The following CNTNAP4 variants were observed in gnomAD, a reference collection of about 807,000 sequenced individuals.
The protein encoded by CNTNAP4 is contactin-associated protein-like 4.
In CNTNAP4, 98 loss-of-function variants were observed where a neutral mutation model predicts 148.4. The observed-to-expected ratio is 0.66, with a 90% CI of 0.56 to 0.78. The LOEUF (loss-of-function observed/expected upper bound fraction) is 0.78, where lower values mean the gene tolerates loss of function less well. Ranked by LOEUF, CNTNAP4 falls within the 30% of genes least tolerant of loss-of-function variation. CNTNAP4 has a pLI of 0.00. For missense variants in CNTNAP4, 1,935 were observed against 1,565.6 expected (o/e 1.24, Z -3.98); for synonymous variants, 730 against 565.1 (o/e 1.29, Z -4.14).
intron 1 of CNTNAP4, among the ~76,000 whole-genome samples, chr16:76,309,186 C>A (rs1212139362): frequency 6.6e-6 from 1 of 152,000 alleles, no homozygotes; most frequent in Non-Finnish European, 1.5e-5. Context: ...ACTTTGGTGG[C>A]TCTTTTTTGG....
intron 3 of CNTNAP4, among the ~76,000 whole-genome samples, chr16:76,372,583 A>C (rs1196803294): frequency 6.6e-6 from 1 of 152,078 alleles, no homozygotes; most frequent in Non-Finnish European, 1.5e-5. Flanking sequence ...AAGTCTCATG[A>C]GATCTGATGG....
At chr16:76,463,472 A>G (rs570380451) in intron 9 of CNTNAP4, among the ~76,000 whole-genome samples, 2 of 152,330 alleles carry the variant, frequency 1.3e-5, no homozygotes, top group Admixed American at 6.5e-5. Context: ...ATGTAATTTT[A>G]TAGTAAAATA....
At chr16:76,324,742 TC>T (rs1962786467) in intron 2 of CNTNAP4, among the ~76,000 whole-genome samples, 7 of 152,170 alleles carry the variant, frequency 4.6e-5, no homozygotes, top group Admixed American at 4.6e-4. Flanking sequence ...GATAGCTCTC[TC>T]CTGAATTTAT....
intron 8 of CNTNAP4, among the ~76,000 whole-genome samples, chr16:76,460,676 C>T (rs371583081): frequency 9.5e-4 from 132 of 138,632 alleles, no homozygotes; most frequent in African/African-American, 3.4e-3. Context: ...TGGCTTGAAC[C>T]TGGGAGGCAG....
intron 4 of CNTNAP4, among the ~76,000 whole-genome samples, chr16:76,444,102 A>T (rs1176307336): frequency 6.6e-6 from 1 of 152,136 alleles, no homozygotes; most frequent in Non-Finnish European, 1.5e-5. Flanking sequence ...CAAGAGATTG[A>T]GTGTATATAT....
chr16:76,306,557 G>T (rs1185816721), intron 1 of CNTNAP4, among the ~76,000 whole-genome samples: 1 of 152,222 alleles, frequency 6.6e-6, no homozygotes, highest in African/African-American at 2.4e-5. Flanking sequence ...TGGTGCTCAA[G>T]TCAGAGGATT....
At chr16:76,310,630 A>G (rs1201335490) in intron 1 of CNTNAP4, among the ~76,000 whole-genome samples, 1 of 152,094 alleles carries the variant, frequency 6.6e-6, no homozygotes, top group Non-Finnish European at 1.5e-5. Flanking sequence ...GATTTAAACT[A>G]TGTTTGCTAC....
chr16:76,304,903 A>G (rs955274429), intron 1 of CNTNAP4, among the ~76,000 whole-genome samples: 9 of 152,138 alleles, frequency 5.9e-5, no homozygotes, highest in African/African-American at 1.9e-4. Flanking sequence ...ACTCAATCTC[A>G]TTTCTTGGGA....
chr16:76,502,716 G>A (rs932814937), intron 15 of CNTNAP4, among the ~76,000 whole-genome samples: 40 of 152,078 alleles, frequency 2.6e-4, no homozygotes, highest in African/African-American at 9.7e-4. Context: ...GTAAGATTGA[G>A]AGTTAAAGCC....
intron 23 of CNTNAP4, among the ~76,000 whole-genome samples, 195 bp downstream of exon 23, chr16:76,554,102 G>C (rs184589633): frequency 1.3e-5 from 2 of 152,192 alleles, no homozygotes; most frequent in African/African-American, 4.8e-5. Flanking sequence ...CTTCCTTGGA[G>C]ATTTTCAGTA....
intron 2 of CNTNAP4, among the ~76,000 whole-genome samples, 194 bp downstream of exon 2, chr16:76,316,717 C>T (rs4280276): frequency 1.5e-3 from 224 of 152,270 alleles, no homozygotes; most frequent in Non-Finnish European, 2.7e-3. Context: ...TCCTATATTA[C>T]GAAGAATTGA....
intron 9 of CNTNAP4, among the ~76,000 whole-genome samples, chr16:76,464,157 T>C (rs2143452971): frequency 6.6e-6 from 1 of 152,282 alleles, no homozygotes; most frequent in African/African-American, 2.4e-5. Flanking sequence ...AGAACCAGGT[T>C]AAGGCGATCC....
intron 21 of CNTNAP4, among the ~76,000 whole-genome samples, chr16:76,546,728 C>G (rs974032829): frequency 5.3e-5 from 8 of 152,162 alleles, no homozygotes; most frequent in African/African-American, 1.9e-4. Context: ...TGAAACTGGT[C>G]CCTGGTGCCA....
At chr16:76,456,759 A>C in intron 8 of CNTNAP4, among the ~76,000 whole-genome samples, 1 of 151,802 alleles carries the variant, frequency 6.6e-6, no homozygotes, top group Admixed American at 6.5e-5. Context: ...AGCAAAAAAT[A>C]AATAAAATAA....
intron 15 of CNTNAP4, among the ~76,000 whole-genome samples, chr16:76,502,089 C>G (rs558290745): frequency 6.9e-6 from 1 of 145,536 alleles, no homozygotes; most frequent in Non-Finnish European, 1.5e-5. Flanking sequence ...AAAGAATTTA[C>G]AAATAGTTTC....
intron 17 of CNTNAP4, 102 bp from the exon 18 acceptor site, chr16:76,535,443 A>G: frequency 8.1e-7 from 1 of 1,230,156 alleles, no homozygotes; most frequent in Non-Finnish European, 1.1e-6. Context: ...TTGCTCATCC[A>G]TTTTTTTTGC....
chr16:76,371,348 C>T (rs529649305), intron 3 of CNTNAP4, among the ~76,000 whole-genome samples: 9 of 152,242 alleles, frequency 5.9e-5, no homozygotes, highest in South Asian at 4.1e-4. Context: ...TGCAGTGGCA[C>T]GATCTTGGTT....
rs866561211 is a variant in CNTNAP4 at position 76,408,046 on chromosome 16, G to C, written c.391-19406G>C. Among the ~76,000 whole-genome samples, 4 of 151,630 alleles carry C rather than the reference G, an allele frequency of 2.6e-5. No individual in the cohort carries two copies. In the South Asian group the frequency reaches 8.3e-4, roughly 31 times the overall value. The stretch of plus-strand genomic sequence containing the variant: ...AAGATTAAAATTTACTGAAGACTGA[G>C]ATTATGATTAGTATTTTTTTTAGCA... On this transcript the variant is annotated intron_variant, in intron 3 of 23. Coordinates refer to ENST00000611870, the MANE Select transcript of CNTNAP4 (RefSeq NM_033401.5).
At chr16:76,429,444 C>T (rs2079536779) in intron 4 of CNTNAP4, among the ~76,000 whole-genome samples, 1 of 152,136 alleles carries the variant, frequency 6.6e-6, no homozygotes, top group Admixed American at 6.6e-5. Flanking sequence ...TGTAGACATT[C>T]TACTAATAAT....
Sources: allele counts gnomAD v4.1 joint callset (sites outside exome capture counted in the v4.1 genomes callset), GRCh38; gene constraint gnomAD v4.1.1; transcripts MANE v1.5; gene names NCBI Gene and HGNC (gene_info 2026-07-23, HGNC 2026-07-21).